Variants in RORB observed in about 807,000 individuals in gnomAD.
RORB encodes RAR related orphan receptor B.
Under a neutral mutation model 59.1 loss-of-function variants are expected in RORB, and 6 were observed. The ratio of observed to expected loss-of-function variants is 0.10; its 90% CI spans 0.06 to 0.20. The LOEUF (loss-of-function observed/expected upper bound fraction) is 0.20, where lower values mean the gene tolerates loss of function less well. Among genes scored for constraint, RORB ranks in the 10% least tolerant of loss-of-function variants. The pLI is 1.00. For missense variants in RORB, 320 were observed against 560.5 expected, an observed-to-expected ratio of 0.57 and a Z score of 4.33; for synonymous variants, 215 against 204.5, an observed-to-expected ratio of 1.05 and a Z score of -0.44.
intron 2 of RORB, among the ~76,000 whole-genome samples, chr9:74,633,131 A>G (rs1282305889): frequency 1.3e-5 from 2 of 152,234 alleles, no homozygotes; most frequent in African/African-American, 4.8e-5. Context: ...AGCTGAAGAC[A>G]AAAGGAAAAT....
At chr9:74,565,675 C>A (rs1433371029) in intron 1 of RORB, among the ~76,000 whole-genome samples, 2 of 152,124 alleles carry the variant, frequency 1.3e-5, no homozygotes, top group African/African-American at 2.4e-5. Flanking sequence ...ATATCTTAGA[C>A]CATGCCTTTC....
At chr9:74,578,156 G>C (rs1761471062) in intron 1 of RORB, among the ~76,000 whole-genome samples, 1 of 152,008 alleles carries the variant, frequency 6.6e-6, no homozygotes, top group Non-Finnish European at 1.5e-5. Flanking sequence ...CACTATGCTT[G>C]CTGTTTTTCT....
At chr9:74,534,409 A>T (rs923252393) in intron 1 of RORB, among the ~76,000 whole-genome samples, 2 of 152,042 alleles carry the variant, frequency 1.3e-5, no homozygotes, top group East Asian at 3.9e-4. Context: ...CACTGTGTGC[A>T]TTTTATACCC....
At chr9:74,671,456 G>A (rs534402938) in intron 8 of RORB, among the ~76,000 whole-genome samples, 14 of 152,164 alleles carry the variant, frequency 9.2e-5, no homozygotes, top group African/African-American at 2.4e-4. Context: ...TTCACAAATC[G>A]CTAACTTCTA....
At chr9:74,505,877 A>G (rs1008938727) in intron 1 of RORB, among the ~76,000 whole-genome samples, 1 of 152,080 alleles carries the variant, frequency 6.6e-6, no homozygotes, top group African/African-American at 2.4e-5. Context: ...GTGACAATTG[A>G]AAACAAAATC....
intron 4 of RORB, among the ~76,000 whole-genome samples, chr9:74,647,963 T>A (rs1320418990): frequency 6.6e-6 from 1 of 152,324 alleles, no homozygotes; most frequent in Middle Eastern, 3.4e-3. Flanking sequence ...AAATCTATTA[T>A]GCACATCTAA....
intron 9 of RORB, among the ~76,000 whole-genome samples, chr9:74,674,417 T>A (rs143886142): frequency 1.3e-5 from 2 of 152,346 alleles, no homozygotes; most frequent in African/African-American, 4.8e-5. Context: ...AAATCGCCAG[T>A]AGGTAGAGGA....
rs574002599 is a variant in RORB at position 74,521,851 on chromosome 9, T to C, written c.7+23868T>C. ...CCTAATCTGTAATAGTATGAAAGTA[T>C]GGTTAGCCTCTTTAGATGGTTCACT... On this transcript the variant is annotated intron_variant, in intron 1 of 9. Coordinates refer to ENST00000376896, the MANE Select transcript of RORB (RefSeq NM_006914.4). Among the ~76,000 whole-genome samples, 103 of 151,930 alleles carry C rather than the reference T, an allele frequency of 6.8e-4. No homozygotes were observed. In the Middle Eastern group the frequency reaches 0.01, roughly 15 times the overall value.
intron 2 of RORB, among the ~76,000 whole-genome samples, chr9:74,633,218 A>G (rs552251554): frequency 2.4e-4 from 36 of 152,216 alleles, no homozygotes; most frequent in Non-Finnish European, 4.6e-4. Flanking sequence ...GTGTTAAAAT[A>G]TTGTATTTTC....
intron 4 of RORB, among the ~76,000 whole-genome samples, chr9:74,649,284 C>T (rs1003240197): frequency 6.6e-5 from 10 of 152,228 alleles, no homozygotes; most frequent in Admixed American, 6.5e-4. Flanking sequence ...GACCAAGCTA[C>T]CTAAGTCACC....
chr9:74,510,343 T>A (rs1563924486), intron 1 of RORB, among the ~76,000 whole-genome samples: 1 of 152,172 alleles, frequency 6.6e-6, no homozygotes, highest in African/African-American at 2.4e-5. Context: ...TTTTACAGCA[T>A]GTAAAATATC....
intron 1 of RORB, among the ~76,000 whole-genome samples, chr9:74,605,399 A>C (rs1823132981): frequency 6.6e-6 from 1 of 152,196 alleles, no homozygotes; most frequent in East Asian, 1.9e-4. Context: ...GTATCCCAAC[A>C]GGGGCCTTTT....
chr9:74,585,439 A>C (rs991257499), intron 1 of RORB, among the ~76,000 whole-genome samples: 1 of 152,240 alleles, frequency 6.6e-6, no homozygotes, highest in Non-Finnish European at 1.5e-5. Flanking sequence ...TAATGTAAGC[A>C]GGTGTCTGCT....
chr9:74,600,514 A>G (rs1043577930), intron 1 of RORB, among the ~76,000 whole-genome samples: 1 of 152,178 alleles, frequency 6.6e-6, no homozygotes, highest in African/African-American at 2.4e-5. Context: ...TTCTGGGATC[A>G]CTGATGGGCT....
intron 1 of RORB, among the ~76,000 whole-genome samples, chr9:74,612,360 C>T (rs1823243271): frequency 2.0e-5 from 3 of 151,962 alleles, no homozygotes; most frequent in Admixed American, 1.3e-4. Flanking sequence ...AGAGCTGGCC[C>T]GGGTTGTAGA....
chr9:74,547,794 G>T (rs1461789973), intron 1 of RORB, among the ~76,000 whole-genome samples: 1 of 152,154 alleles, frequency 6.6e-6, no homozygotes, highest in Non-Finnish European at 1.5e-5. Flanking sequence ...ACATTGTAAA[G>T]AATTTATTTT....
intron 1 of RORB, among the ~76,000 whole-genome samples, chr9:74,539,638 C>T (rs1359317940): frequency 6.6e-6 from 1 of 151,798 alleles, no homozygotes; most frequent in Non-Finnish European, 1.5e-5. Flanking sequence ...ATCATGAACA[C>T]AGCAACAAAA....
chr9:74,522,006 T>A (rs1826091531), intron 1 of RORB, among the ~76,000 whole-genome samples: 1 of 151,840 alleles, frequency 6.6e-6, no homozygotes, highest in African/African-American at 2.4e-5. Context: ...TGTTCTTATT[T>A]GGCTTTTGTT....
At chr9:74,559,580 T>C (rs1822363765) in intron 1 of RORB, among the ~76,000 whole-genome samples, 1 of 152,148 alleles carries the variant, frequency 6.6e-6, no homozygotes, top group Non-Finnish European at 1.5e-5. Context: ...TTGATAGAGC[T>C]AAAAACCTGA....
Sources: gnomAD v4.1 joint callset for allele counts (sites outside exome capture counted in the v4.1 genomes callset) on GRCh38, gnomAD v4.1.1 for gene constraint, MANE v1.5 for transcripts, NCBI Gene and HGNC (gene_info 2026-07-23, HGNC 2026-07-21) for gene names.